Variants in WFDC1 observed in about 807,000 individuals in gnomAD.
WFDC1 encodes WAP four-disulfide core domain protein 1.
WFDC1 carries 39 observed loss-of-function variants against 32.9 expected under a neutral mutation model. The observed-to-expected ratio is 1.19, with a 90% CI of 0.92 to 1.55. The LOEUF is 1.55. Ranked by LOEUF, WFDC1 falls within the 40% of genes most tolerant of loss-of-function variation. WFDC1 has a pLI of 0.00. For missense variants in WFDC1, 386 were observed against 309.5 expected, an observed-to-expected ratio of 1.25 and a Z score of -1.85; for synonymous variants, 184 against 137.4, an observed-to-expected ratio of 1.34 and a Z score of -2.37.
intron 1 of WFDC1, among the ~76,000 whole-genome samples, chr16:84,311,795 C>T (rs1481861409): frequency 6.8e-6 from 1 of 147,090 alleles, no homozygotes; most frequent in East Asian, 2.1e-4. Context: ...ACCTTGACTT[C>T]TGGAAATGCT....
At chr16:84,311,384 A>ATTTTTTTTTTTTTTTTTT (rs747950638) in intron 1 of WFDC1, among the ~76,000 whole-genome samples, 24 of 118,330 alleles carry the variant, frequency 2.0e-4, no homozygotes, top group Non-Finnish European at 3.2e-4. Context: ...CGCCCGGCTA[A>ATTTTTTTTTTTTTTTTTT]TTTTTTTTCT....
In WFDC1 at chr16:84,325,425, A is replaced by G. The variant is rs147960216; in HGVS notation, c.604+965A>G. Among the ~76,000 whole-genome samples, 817 of 151,434 alleles carry G rather than the reference A, an allele frequency of 5.4e-3. 6 individuals are homozygous for G. Among genetic ancestry groups the G allele is most frequent in the African/African-American group, 0.018 (757 of 41,208 alleles). ...ACCTTGTTGGCCAGGCTGGTCTTAAACTCCTGACCTCAGGTGATCTGCCCG... is the reference window on the plus strand; with the variant it reads ...ACCTTGTTGGCCAGGCTGGTCTTAAGCTCCTGACCTCAGGTGATCTGCCCG... On this transcript the variant is annotated intron_variant, in intron 5 of 6. Transcript: ENST00000219454.
intron 1 of WFDC1, chr16:84,295,646 T>C (rs1311065360): frequency 6.4e-6 from 1 of 156,234 alleles, no homozygotes; most frequent in Non-Finnish European, 1.4e-5. Context: ...GTGGCCGAGG[T>C]GCAGAGGCAG....
intron 4 of WFDC1, among the ~76,000 whole-genome samples, chr16:84,319,907 G>T (rs1908207160): frequency 6.6e-6 from 1 of 152,170 alleles, no homozygotes; most frequent in Admixed American, 6.5e-5. Context: ...ATGCTGTTGT[G>T]GGGCGTGACT....
chr16:84,312,655 G>A (rs979356285), intron 1 of WFDC1, among the ~76,000 whole-genome samples: 1 of 151,890 alleles, frequency 6.6e-6, no homozygotes, highest in Non-Finnish European at 1.5e-5. Flanking sequence ...TATGTATTAT[G>A]TATCATCTCT....
At chr16:84,318,399 C>A in intron 3 of WFDC1, 44 bp downstream of exon 3, 1 of 1,588,434 alleles carries the variant, frequency 6.3e-7, no homozygotes, top group Non-Finnish European at 8.6e-7. Flanking sequence ...AAGCCTCGAT[C>A]CCTCCTTCTC....
At chr16:84,301,529 C>G (rs892576734) in intron 1 of WFDC1, among the ~76,000 whole-genome samples, 1 of 152,074 alleles carries the variant, frequency 6.6e-6, no homozygotes, top group Non-Finnish European at 1.5e-5. Flanking sequence ...ATGAAGATGC[C>G]TACGTCTTGG....
chr16:84,327,844 C>T (rs1908690702), intron 6 of WFDC1: 1 of 152,232 alleles, frequency 6.6e-6, no homozygotes, highest in Non-Finnish European at 1.5e-5. Flanking sequence ...CTTGGTTGCT[C>T]AGCGGTAGTT....
Position 84,312,981 on chromosome 16 carries a change from C to T in WFDC1, c.165C>T (p.Pro55=), listed in dbSNP as rs1239023858. The T allele has an allele frequency of 6.0e-6, 7 of 1,176,358 alleles. No homozygotes were observed. The highest frequency in any genetic ancestry group is 3.2e-5 in the African/African-American group (2 of 61,966). The allele number at this position is 1,176,358 out of a possible 1,614,324, so 72.9% of individuals were successfully genotyped here. The change falls in exon 2 of 7, where the codon CCC becomes CCT. Residue 55 remains proline (P), a synonymous_variant. Coordinates refer to ENST00000219454, the MANE Select transcript of WFDC1 (RefSeq NM_021197.4). ...EKSRAEEAGA[P]GGPRQPRADR... ...CGCAGGCCGAGGAGGCGGGCGCGCC[C>T]GGCGGCCCCCGGCAGCCCCGAGCAG...
chr16:84,296,205 A>G (rs1008292308), intron 1 of WFDC1, among the ~76,000 whole-genome samples: 5 of 152,254 alleles, frequency 3.3e-5, no homozygotes, highest in Non-Finnish European at 7.3e-5. Context: ...TGAATGTCTC[A>G]GTATGTAGAA....
intron 1 of WFDC1, 53 bp from the exon 2 acceptor site, chr16:84,312,908 G>A: frequency 9.1e-7 from 1 of 1,100,542 alleles, no homozygotes; most frequent in Non-Finnish European, 1.1e-6. Context: ...TCCGGGTGGC[G>A]CCGGGACTCG....
chr16:84,310,340 G>C (rs1323916005), intron 1 of WFDC1, among the ~76,000 whole-genome samples: 2 of 152,150 alleles, frequency 1.3e-5, no homozygotes, highest in Non-Finnish European at 2.9e-5. Flanking sequence ...TTCGGCAGAG[G>C]ATCAGCACGG....
intron 4 of WFDC1, among the ~76,000 whole-genome samples, chr16:84,323,775 A>C (rs1200764032): frequency 1.3e-5 from 2 of 152,210 alleles, no homozygotes; most frequent in South Asian, 4.1e-4. Flanking sequence ...ATATTTTGTA[A>C]TGACATTTAC....
At chr16:84,301,493 C>G (rs8048176) in intron 1 of WFDC1, among the ~76,000 whole-genome samples, 1 of 152,080 alleles carries the variant, frequency 6.6e-6, no homozygotes, top group Non-Finnish European at 1.5e-5. Flanking sequence ...TGAGCTCACA[C>G]CCTGCGGGAC....
chr16:84,295,651 A>C (rs1173902105), intron 1 of WFDC1: 1 of 156,202 alleles, frequency 6.4e-6, no homozygotes, highest in Non-Finnish European at 1.4e-5. Flanking sequence ...CGAGGTGCAG[A>C]GGCAGTTGGG....
intron 1 of WFDC1, among the ~76,000 whole-genome samples, chr16:84,303,107 C>T (rs949990651): frequency 6.6e-6 from 1 of 151,654 alleles, no homozygotes; most frequent in Non-Finnish European, 1.5e-5. Flanking sequence ...GTTAAGGGCC[C>T]CGGGCACCAG....
At chr16:84,328,825 A>G (rs12716748) in intron 6 of WFDC1, 41,043 of 151,366 alleles carry the variant, frequency 0.27, 5,678 homozygotes, top group East Asian at 0.36. Flanking sequence ...GGTGGTGTGC[A>G]CCTGTGGTCC....
intron 2 of WFDC1, among the ~76,000 whole-genome samples, chr16:84,313,660 C>A (rs1484853390): frequency 6.6e-6 from 1 of 152,228 alleles, no homozygotes; most frequent in African/African-American, 2.4e-5. Context: ...ACCCACCAGG[C>A]CCGCCACACT....
chr16:84,295,514 G>C, intron 1 of WFDC1: 1 of 314,186 alleles, frequency 3.2e-6, no homozygotes, highest in East Asian at 5.3e-5. Context: ...TATTCATTCA[G>C]CAAACAGAAT....
Sources: allele counts gnomAD v4.1 joint callset (sites outside exome capture counted in the v4.1 genomes callset), GRCh38; gene constraint gnomAD v4.1.1; transcripts MANE v1.5; gene names NCBI Gene and HGNC (gene_info 2026-07-23, HGNC 2026-07-21).